The following GNG12 variants were observed in gnomAD, a reference collection of about 807,000 sequenced individuals.
GNG12 encodes the protein guanine nucleotide-binding protein G(I)/G(S)/G(O) subunit gamma-12.
For missense variants in GNG12, 69 were observed against 83.8 expected (o/e 0.82, Z 0.69); for synonymous variants, 28 against 29.7 (o/e 0.94, Z 0.19).
Position 67,739,347 on chromosome 1 carries a change from T to C in GNG12, c.-26-31635A>G, listed in dbSNP as rs567797024. Among the ~76,000 whole-genome samples, 8 of 152,338 alleles carry C rather than the reference T, an allele frequency of 5.3e-5. No homozygotes were observed. The East Asian group carries it at 1.3e-3, about 26-fold the overall frequency. On this transcript the variant is annotated intron_variant, in intron 2 of 3. Transcript: ENST00000370982. ...CTCAGGCCCCAAAGATTCTTCCTGTTCTGAAATCCTCTCCCTCAAGGTGAT... is the reference window on the plus strand; with the variant it reads ...CTCAGGCCCCAAAGATTCTTCCTGTCCTGAAATCCTCTCCCTCAAGGTGAT...
At position 67,819,029 on chromosome 1, in the gene GNG12, T is replaced by C. The variant is rs182890800; in HGVS notation, c.-77+14315A>G. On this transcript the variant is annotated intron_variant, in intron 1 of 3. Transcript: ENST00000370982. ...TCAGGAAGTGACCCACTGAAATTTA[T>C]GTTTTCAAGAAATCATGCTGGTGGC... Among the ~76,000 whole-genome samples the C allele has an allele frequency of 2.3e-3, 348 of 152,274 alleles. 1 individual carries two copies. Among genetic ancestry groups the C allele is most frequent in the Non-Finnish European group, 3.6e-3 (247 of 68,028 alleles).
At chr1:67,767,307 G>A (rs1213219501) in intron 2 of GNG12, among the ~76,000 whole-genome samples, 1 of 152,144 alleles carries the variant, frequency 6.6e-6, no homozygotes, top group Non-Finnish European at 1.5e-5. Context: ...ACTGACAGGG[G>A]TTCAGCACGA....
In GNG12 at chr1:67,765,575, G is replaced by A. The variant is rs140852322; in HGVS notation, c.-27+11883C>T. On this transcript the variant is annotated intron_variant, in intron 2 of 3. Transcript: ENST00000370982. ...AGAACAAGATCATATTTTAACAGAA[G>A]ATGAAATACATAGAAAGGTTTGTAT... 1.4e-3 allele frequency among the ~76,000 whole-genome samples: 216 copies of A among 152,192 alleles called. 1 individual carries two copies. Among genetic ancestry groups the A allele is most frequent in the African/African-American group, 5.0e-3 (207 of 41,498 alleles).
intron 2 of GNG12, among the ~76,000 whole-genome samples, chr1:67,770,630 G>A (rs1646668438): frequency 6.6e-6 from 1 of 152,138 alleles, no homozygotes; most frequent in African/African-American, 2.4e-5. Context: ...AGCAGGAGGA[G>A]AGAACCACCC....
intron 1 of GNG12, among the ~76,000 whole-genome samples, chr1:67,779,726 T>A (rs1252691009): frequency 6.6e-6 from 1 of 152,144 alleles, no homozygotes. Flanking sequence ...TACACTACTA[T>A]AGTTATGTGT....
chr1:67,787,069 G>GTATA lies in GNG12; in HGVS notation c.-76-9566_-76-9563dup, dbSNP rs397828874. On this transcript the variant is annotated intron_variant, in intron 1 of 3. Transcript: ENST00000370982. ...TGTGTGTGTGTGTGTGTGTGTGTGTGTATAGTCCCCCTCCTCAAGGAACCC... is the reference window on the plus strand; with the variant it reads ...TGTGTGTGTGTGTGTGTGTGTGTGTGTATATATAGTCCCCCTCCTCAAGGAACCC... Among the ~76,000 whole-genome samples the GTATA allele has an allele frequency of 8.1e-3, 1,175 of 145,794 alleles. 24 individuals carry two copies. Among genetic ancestry groups the GTATA allele is most frequent in the African/African-American group, 0.03 (1,124 of 37,720 alleles).
intron 1 of GNG12, among the ~76,000 whole-genome samples, chr1:67,806,821 T>G (rs1447580417): frequency 6.6e-6 from 1 of 152,076 alleles, no homozygotes; most frequent in East Asian, 1.9e-4. Flanking sequence ...AATAGATCAA[T>G]CCACCATTAT....
At chr1:67,740,899 A>T (rs1324440045) in intron 2 of GNG12, among the ~76,000 whole-genome samples, 3 of 152,226 alleles carry the variant, frequency 2.0e-5, no homozygotes, top group Admixed American at 2.0e-4. Flanking sequence ...AATGTTGTTT[A>T]TAAGCCATCC....
chr1:67,743,676 T>C (rs1429287028), intron 2 of GNG12, among the ~76,000 whole-genome samples: 1 of 152,240 alleles, frequency 6.6e-6, no homozygotes, highest in Non-Finnish European at 1.5e-5. Context: ...TTATGGCATA[T>C]ATTTTTAAAA....
chr1:67,789,182 C>A (rs1646786851), intron 1 of GNG12, among the ~76,000 whole-genome samples: 1 of 152,104 alleles, frequency 6.6e-6, no homozygotes. Context: ...AGACCAAGGG[C>A]CCGCTATTAA....
At chr1:67,752,633 A>G (rs1001905212) in intron 2 of GNG12, among the ~76,000 whole-genome samples, 3 of 152,192 alleles carry the variant, frequency 2.0e-5, no homozygotes, top group Non-Finnish European at 4.4e-5. Flanking sequence ...GAGCTAGTTA[A>G]TACTTCTTTT....
At chr1:67,793,868 C>A (rs1382171990) in intron 1 of GNG12, among the ~76,000 whole-genome samples, 3 of 152,114 alleles carry the variant, frequency 2.0e-5, no homozygotes, top group African/African-American at 7.2e-5. Context: ...CCAGTTTCAG[C>A]ACACAGTTTC....
intron 2 of GNG12, among the ~76,000 whole-genome samples, chr1:67,761,628 C>G (rs533981786): frequency 6.6e-6 from 1 of 152,088 alleles, no homozygotes; most frequent in African/African-American, 2.4e-5. Flanking sequence ...AAGTGCAGGT[C>G]GACTTGGCTC....
intron 1 of GNG12, among the ~76,000 whole-genome samples, chr1:67,805,835 A>G (rs1217998525): frequency 6.6e-6 from 1 of 151,892 alleles, no homozygotes; most frequent in Non-Finnish European, 1.5e-5. Context: ...AATACTTAAA[A>G]AAAAAAACCT....
intron 1 of GNG12, among the ~76,000 whole-genome samples, chr1:67,828,909 G>A (rs1237441335): frequency 2.0e-5 from 3 of 152,160 alleles, no homozygotes; most frequent in Non-Finnish European, 4.4e-5. Context: ...ACATTCAACT[G>A]CCATAAAGTT....
intron 2 of GNG12, among the ~76,000 whole-genome samples, chr1:67,725,240 C>T (rs1646379048): frequency 6.6e-6 from 1 of 152,228 alleles, no homozygotes; most frequent in South Asian, 2.1e-4. Context: ...GGTGCAGATA[C>T]TCCTAACTTT....
chr1:67,706,661 T>C (rs530942641), intron 3 of GNG12, among the ~76,000 whole-genome samples: 11 of 52,816 alleles, frequency 2.1e-4, no homozygotes, highest in East Asian at 6.2e-4. Context: ...TCTTTCTTTT[T>C]TTTTTTTTTT....
chr1:67,829,140 C>T (rs905299950), intron 1 of GNG12, among the ~76,000 whole-genome samples: 1 of 152,104 alleles, frequency 6.6e-6, no homozygotes, highest in Non-Finnish European at 1.5e-5. Context: ...ACCATAATCC[C>T]ATCACCAATT....
chr1:67,757,278 C>T (rs1003379538), intron 2 of GNG12, among the ~76,000 whole-genome samples: 3 of 152,150 alleles, frequency 2.0e-5, no homozygotes, highest in African/African-American at 7.2e-5. Flanking sequence ...GGGAATTTTC[C>T]ACTTCTGGTG....
Sources: gnomAD v4.1 joint callset for allele counts (sites outside exome capture counted in the v4.1 genomes callset) on GRCh38, gnomAD v4.1.1 for gene constraint, MANE v1.5 for transcripts, NCBI Gene and HGNC (gene_info 2026-07-23, HGNC 2026-07-21) for gene names.